The following GALNTL6 variants were observed in gnomAD, a reference collection of about 807,000 sequenced individuals.
GALNTL6 encodes the protein polypeptide N-acetylgalactosaminyltransferase like 6.
A neutral mutation model predicts 73.7 loss-of-function variants in GALNTL6; 46 were observed. The observed-to-expected ratio is 0.62, with a 90% CI of 0.49 to 0.80. The LOEUF (loss-of-function observed/expected upper bound fraction) is 0.80. Ranked by LOEUF, GALNTL6 falls within the 30% of genes least tolerant of loss-of-function variation. GALNTL6 has a pLI of 0.00. For missense variants in GALNTL6, 604 were observed against 755.0 expected, an observed-to-expected ratio of 0.80 and a Z score of 2.34; for synonymous variants, 259 against 263.7, an observed-to-expected ratio of 0.98 and a Z score of 0.17.
intron 8 of GALNTL6, 81 bp downstream of exon 8, chr4:172,882,988 C>A (rs574336066): frequency 1.1e-4 from 84 of 762,368 alleles, no homozygotes; most frequent in Non-Finnish European, 1.7e-4. Flanking sequence ...GCTCTGTGAC[C>A]TGTGTTCTGG....
rs945836660 is a variant in GALNTL6, at chr4:172,401,880, T to C, written c.553+53191T>C. 3.5e-5 allele frequency among the ~76,000 whole-genome samples: 5 copies of C among 143,330 alleles called. No individual in the cohort carries two copies. In the South Asian group the frequency reaches 7.2e-4, roughly 21 times the overall value. 94.0% of individuals were successfully genotyped at this position (143,330 alleles called of 152,430 possible). A position where few individuals can be genotyped will look rare whatever the true frequency, so the allele number is the denominator to read the frequency against. Reference sequence around the variant, plus strand: ...AGCTGTTTACCACTAGCATTGTGCCTTCCCTGGCTTCTGGAGGAGGAAGAG... The same window carrying C: ...AGCTGTTTACCACTAGCATTGTGCCCTCCCTGGCTTCTGGAGGAGGAAGAG... On this transcript the variant is annotated intron_variant, in intron 5 of 12. Transcript: ENST00000506823.
At chr4:172,056,340 G>A (rs576094804) in intron 2 of GALNTL6, among the ~76,000 whole-genome samples, 17 of 152,146 alleles carry the variant, frequency 1.1e-4, no homozygotes, top group South Asian at 2.1e-4. Context: ...GCATTCTTTC[G>A]TATATACAAG....
chr4:172,716,245 A>T (rs774679709), intron 5 of GALNTL6, among the ~76,000 whole-genome samples: 1 of 152,140 alleles, frequency 6.6e-6, no homozygotes, highest in Non-Finnish European at 1.5e-5. Context: ...AGCTAGTCAG[A>T]TGTCCATAGT....
intron 5 of GALNTL6, among the ~76,000 whole-genome samples, chr4:172,515,841 G>T (rs1467935358): frequency 1.3e-5 from 2 of 152,164 alleles, no homozygotes; most frequent in Non-Finnish European, 2.9e-5. Context: ...GAGAACTCAG[G>T]ATGGCACAGC....
intron 9 of GALNTL6, among the ~76,000 whole-genome samples, chr4:172,939,236 C>T (rs1748788264): frequency 6.6e-6 from 1 of 152,140 alleles, no homozygotes. Flanking sequence ...GTCAAGGCTG[C>T]AGTGAGCCAT....
At chr4:172,413,199 C>G (rs1257107230) in intron 5 of GALNTL6, among the ~76,000 whole-genome samples, 1 of 152,078 alleles carries the variant, frequency 6.6e-6, no homozygotes, top group Non-Finnish European at 1.5e-5. Context: ...TTCTGCCACC[C>G]CAAATGAAAG....
rs140450419 is a variant in GALNTL6, at chr4:172,542,543, C to T, written c.553+193854C>T. ...TGTATCATCAGGACCGCCTGACCAC[C>T]ATCTGATGATCGCTTGACATTCCTG... On this transcript the variant is annotated intron_variant, in intron 5 of 12. Transcript: ENST00000506823. 1.9e-3 allele frequency among the ~76,000 whole-genome samples: 283 copies of T among 152,314 alleles called. 1 individual carries two copies. The highest frequency in any genetic ancestry group is 0.012 in the Admixed American group (191 of 15,288).
At chr4:172,000,550 G>A (rs1337633737) in intron 2 of GALNTL6, among the ~76,000 whole-genome samples, 1 of 152,156 alleles carries the variant, frequency 6.6e-6, no homozygotes, top group African/African-American at 2.4e-5. Flanking sequence ...CCGAAGCAGG[G>A]AAAGGTGGGA....
intron 2 of GALNTL6, among the ~76,000 whole-genome samples, chr4:171,997,877 C>T (rs775458440): frequency 1.3e-5 from 2 of 152,056 alleles, no homozygotes; most frequent in South Asian, 2.1e-4. Flanking sequence ...AAGTTAGGAA[C>T]GTGTTTCCAC....
chr4:172,520,123 A>T (rs1734730373), intron 5 of GALNTL6, among the ~76,000 whole-genome samples: 1 of 151,910 alleles, frequency 6.6e-6, no homozygotes, highest in Non-Finnish European at 1.5e-5. Flanking sequence ...TCTCATTTAA[A>T]CTGTACAACA....
chr4:172,899,325 A>T (rs1378362235), intron 8 of GALNTL6, among the ~76,000 whole-genome samples: 12 of 152,170 alleles, frequency 7.9e-5, no homozygotes, highest in Non-Finnish European at 4.4e-5. Context: ...TTTCCCTCTC[A>T]CTATGGTGGC....
At chr4:172,323,335 T>G (rs1740823869) in intron 4 of GALNTL6, among the ~76,000 whole-genome samples, 1 of 152,124 alleles carries the variant, frequency 6.6e-6, no homozygotes, top group Non-Finnish European at 1.5e-5. Context: ...CAAAGGTAAC[T>G]GACATGGGCA....
At chr4:172,801,239 C>T (rs536066949) in intron 5 of GALNTL6, among the ~76,000 whole-genome samples, 34 of 152,172 alleles carry the variant, frequency 2.2e-4, no homozygotes, top group Non-Finnish European at 4.0e-4. Context: ...AGATATGCTA[C>T]ATTTTTTGCA....
chr4:172,574,658 T>G (rs1736895670), intron 5 of GALNTL6, among the ~76,000 whole-genome samples: 1 of 151,732 alleles, frequency 6.6e-6, no homozygotes, highest in Non-Finnish European at 1.5e-5. Context: ...CAATAAATGT[T>G]AAGGCCTTTT....
chr4:172,403,907 G>C (rs1380736040), intron 5 of GALNTL6, among the ~76,000 whole-genome samples: 2 of 151,900 alleles, frequency 1.3e-5, no homozygotes, highest in African/African-American at 4.8e-5. Context: ...GACAGTCCCT[G>C]AATTAAAGAA....
intron 2 of GALNTL6, among the ~76,000 whole-genome samples, chr4:172,016,193 C>T (rs1221391695): frequency 1.3e-5 from 2 of 151,866 alleles, no homozygotes. Flanking sequence ...TCCTCAGGGA[C>T]ACCAATTATT....
intron 5 of GALNTL6, among the ~76,000 whole-genome samples, chr4:172,663,654 C>T (rs750144679): frequency 1.3e-5 from 2 of 152,292 alleles, no homozygotes; most frequent in South Asian, 2.1e-4. Flanking sequence ...CTTGGCTAGG[C>T]GTAGTGGCTC....
chr4:172,981,945 C>G (rs191233809), intron 10 of GALNTL6, among the ~76,000 whole-genome samples: 8 of 151,750 alleles, frequency 5.3e-5, no homozygotes, highest in African/African-American at 7.3e-5. Flanking sequence ...TACAGGCATG[C>G]GCCACCACCC....
At chr4:172,452,337 G>T (rs1038370099) in intron 5 of GALNTL6, among the ~76,000 whole-genome samples, 6 of 151,404 alleles carry the variant, frequency 4.0e-5, no homozygotes, top group African/African-American at 1.5e-4. Context: ...TAAATAAATG[G>T]TGAAGGTGCA....
Sources: gnomAD v4.1 joint callset for allele counts (sites outside exome capture counted in the v4.1 genomes callset) on GRCh38, gnomAD v4.1.1 for gene constraint, MANE v1.5 for transcripts, NCBI Gene and HGNC (gene_info 2026-07-23, HGNC 2026-07-21) for gene names.